Variants in TMEM108 observed in about 807,000 individuals in gnomAD.
TMEM108 encodes transmembrane protein 108.
A neutral mutation model predicts 35.1 loss-of-function variants in TMEM108; 12 were observed. The ratio of observed to expected loss-of-function variants is 0.34; its 90% CI spans 0.22 to 0.55. The LOEUF (loss-of-function observed/expected upper bound fraction) is 0.55, where lower values mean the gene tolerates loss of function less well. Among genes scored for constraint, TMEM108 ranks in the 20% least tolerant of loss-of-function variants. TMEM108 has a pLI of 0.89. For synonymous variants in TMEM108, 287 were observed against 308.6 expected (o/e 0.93, Z 0.73); for missense variants, 680 against 753.3 (o/e 0.90, Z 1.14).
intron 2 of TMEM108, among the ~76,000 whole-genome samples, chr3:133,213,807 G>T (rs1945867382): frequency 6.6e-6 from 1 of 152,076 alleles, no homozygotes; most frequent in African/African-American, 2.4e-5. Context: ...GCTTTGGTGT[G>T]TTATTAATTC....
intron 3 of TMEM108, among the ~76,000 whole-genome samples, chr3:133,327,117 A>T (rs1375689598): frequency 6.6e-6 from 1 of 152,116 alleles, no homozygotes; most frequent in East Asian, 1.9e-4. Context: ...GCCTTTGTGT[A>T]CTTTGTGAAG....
At chr3:133,048,664 A>G (rs1943367598) in intron 2 of TMEM108, among the ~76,000 whole-genome samples, 1 of 152,212 alleles carries the variant, frequency 6.6e-6, no homozygotes, top group African/African-American at 2.4e-5. Context: ...AAAGTTTCCA[A>G]CAAATGCACT....
At chr3:133,234,123 T>C (rs1438720906) in intron 3 of TMEM108, among the ~76,000 whole-genome samples, 2 of 152,188 alleles carry the variant, frequency 1.3e-5, no homozygotes, top group Non-Finnish European at 2.9e-5. Context: ...CCCATGCCTA[T>C]GTCCTGAATG....
At chr3:133,048,953 C>A (rs904989215) in intron 2 of TMEM108, among the ~76,000 whole-genome samples, 5 of 152,142 alleles carry the variant, frequency 3.3e-5, no homozygotes, top group African/African-American at 9.7e-5. Context: ...ATCATTTATA[C>A]TTGTTAGAAA....
At chr3:133,199,106 C>T (rs1366362210) in intron 2 of TMEM108, among the ~76,000 whole-genome samples, 1 of 152,170 alleles carries the variant, frequency 6.6e-6, no homozygotes, top group East Asian at 1.9e-4. Flanking sequence ...GCATTCGTCA[C>T]CTAGTTCTTG....
intron 2 of TMEM108, among the ~76,000 whole-genome samples, chr3:133,101,131 G>A (rs2107715169): frequency 6.6e-6 from 1 of 152,294 alleles, no homozygotes; most frequent in African/African-American, 2.4e-5. Context: ...AAAGAGCCTT[G>A]TATGTAAAAA....
In TMEM108 at chr3:133,044,517, A is replaced by G. The variant is rs1259682803; in HGVS notation, c.-165-1385A>G. The stretch of plus-strand genomic sequence containing the variant: ...AAAAATGTTCTCTAATCCTGTATCT[A>G]TTTTCTACTCAAAATGCCAAAGGAC... On this transcript the variant is annotated intron_variant, in intron 1 of 5. Coordinates refer to ENST00000321871, the MANE Select transcript of TMEM108 (RefSeq NM_023943.4). Among the ~76,000 whole-genome samples the G allele has an allele frequency of 2.6e-5, 4 of 152,308 alleles. No individual in the cohort carries two copies. The South Asian group carries it at 6.2e-4, about 24-fold the overall frequency.
chr3:133,161,850 A>C (rs542463521), intron 2 of TMEM108, among the ~76,000 whole-genome samples: 33 of 152,116 alleles, frequency 2.2e-4, no homozygotes, highest in Middle Eastern at 3.2e-3. Context: ...GCCAACCCCC[A>C]ACCAAAGAGC....
At chr3:133,053,143 C>T (rs1943426902) in intron 2 of TMEM108, among the ~76,000 whole-genome samples, 1 of 152,128 alleles carries the variant, frequency 6.6e-6, no homozygotes, top group African/African-American at 2.4e-5. Context: ...CTTTCAGAGG[C>T]TTGATACCAA....
At chr3:133,155,357 A>G (rs183238233) in intron 2 of TMEM108, among the ~76,000 whole-genome samples, 3 of 152,258 alleles carry the variant, frequency 2.0e-5, no homozygotes, top group African/African-American at 4.8e-5. Context: ...AATGATTTAT[A>G]TTCTTCTGGG....
intron 2 of TMEM108, among the ~76,000 whole-genome samples, chr3:133,161,465 C>T (rs1944960826): frequency 1.3e-5 from 2 of 152,054 alleles, no homozygotes; most frequent in Non-Finnish European, 2.9e-5. Flanking sequence ...TCTCCAATGC[C>T]TAGAATAGTG....
chr3:133,123,457 T>C (rs1384281529), intron 2 of TMEM108, among the ~76,000 whole-genome samples: 1 of 152,208 alleles, frequency 6.6e-6, no homozygotes, highest in East Asian at 1.9e-4. Flanking sequence ...CCATCAACAG[T>C]GTAGAAGAAT....
intron 3 of TMEM108, among the ~76,000 whole-genome samples, chr3:133,361,969 G>C (rs1201591649): frequency 1.3e-5 from 2 of 152,064 alleles, no homozygotes; most frequent in Non-Finnish European, 2.9e-5. Flanking sequence ...GAAAAAGTAG[G>C]ACCAAATAAA....
At chr3:133,245,734 A>G (rs183051337) in intron 3 of TMEM108, among the ~76,000 whole-genome samples, 2,169 of 152,314 alleles carry the variant, frequency 0.014, 60 homozygotes, top group African/African-American at 0.05. Context: ...GTTGGATGAG[A>G]CTTCATTAGA....
At chr3:133,224,328 A>G (rs1946036117) in intron 2 of TMEM108, among the ~76,000 whole-genome samples, 1 of 152,172 alleles carries the variant, frequency 6.6e-6, no homozygotes, top group Non-Finnish European at 1.5e-5. Flanking sequence ...CCTGTCAAGC[A>G]TCACTAATAC....
chr3:133,076,175 T>C (rs1320977234), intron 2 of TMEM108, among the ~76,000 whole-genome samples: 1 of 151,082 alleles, frequency 6.6e-6, no homozygotes, highest in Non-Finnish European at 1.5e-5. Flanking sequence ...ATACATTAAA[T>C]GTGGGCAAAT....
chr3:133,337,512 C>G (rs568176343), intron 3 of TMEM108, among the ~76,000 whole-genome samples: 3 of 152,292 alleles, frequency 2.0e-5, no homozygotes, highest in African/African-American at 7.2e-5. Flanking sequence ...TGTCCCCTAA[C>G]GCAGATATGG....
intron 3 of TMEM108, among the ~76,000 whole-genome samples, chr3:133,302,419 T>C (rs1976663): frequency 0.035 from 2,350 of 67,756 alleles, 23 homozygotes; most frequent in African/African-American, 0.069. Context: ...TTCTTTCTTT[T>C]TTTTTTTTTT....
intron 2 of TMEM108, among the ~76,000 whole-genome samples, chr3:133,188,026 A>G (rs1332571286): frequency 2.0e-5 from 3 of 152,236 alleles, no homozygotes; most frequent in Admixed American, 6.5e-5. Flanking sequence ...TAAGATGAGA[A>G]CCATAGCTAG....
Sources: gnomAD v4.1 joint callset for allele counts (sites outside exome capture counted in the v4.1 genomes callset) on GRCh38, gnomAD v4.1.1 for gene constraint, MANE v1.5 for transcripts, NCBI Gene and HGNC (gene_info 2026-07-23, HGNC 2026-07-21) for gene names.